The following PCDH15 variants were observed in gnomAD, a reference collection of about 807,000 sequenced individuals.
PCDH15 encodes protocadherin-15.
In PCDH15, 129 loss-of-function variants were observed where a neutral mutation model predicts 178.5. The ratio of observed to expected loss-of-function variants is 0.72; its 90% CI spans 0.63 to 0.84. The LOEUF is 0.84. PCDH15 is among the 40% of genes least tolerant of loss of function. The pLI is 0.00. For synonymous variants in PCDH15, 800 were observed against 732.0 expected, an observed-to-expected ratio of 1.09 and a Z score of -1.50; for missense variants, 2,230 against 2,099.9, an observed-to-expected ratio of 1.06 and a Z score of -1.21.
chr10:54,009,435 C>T (rs1254681682), intron 20 of PCDH15, among the ~76,000 whole-genome samples: 1 of 151,950 alleles, frequency 6.6e-6, no homozygotes, highest in East Asian at 1.9e-4. Context: ...AAACAGTATC[C>T]ATAGAAGAAA....
chr10:54,916,128 T>G (rs967148926), intron 2 of PCDH15, among the ~76,000 whole-genome samples: 2 of 150,834 alleles, frequency 1.3e-5, no homozygotes, highest in African/African-American at 2.4e-5. Context: ...CCTGCAACCA[T>G]GCCTGGCTAA....
chr10:55,044,020 G>T (rs1409355489), intron 2 of PCDH15, among the ~76,000 whole-genome samples: 1 of 152,230 alleles, frequency 6.6e-6, no homozygotes, highest in East Asian at 1.9e-4. Context: ...CAAATTGCTT[G>T]TGGACAGCCA....
Position 53,876,647 on chromosome 10 carries a change from G to C in PCDH15, c.3502-9790C>G, listed in dbSNP as rs545809760. On this transcript the variant is annotated intron_variant, in intron 26 of 37. Coordinates refer to ENST00000644397, the MANE Select transcript of PCDH15 (RefSeq NM_001384140.1). ...TGCAAAAAAAAAAAAGAAGAAACAA[G>C]GAGAGAAAGAGAAAAGAAACATTTT... Among the ~76,000 whole-genome samples the C allele has an allele frequency of 2.1e-4, 32 of 150,902 alleles. No homozygotes were observed. In the South Asian group the frequency reaches 6.3e-3, roughly 29 times the overall value.
At chr10:54,435,926 T>C (rs1195983602) in intron 3 of PCDH15, among the ~76,000 whole-genome samples, 6 of 150,706 alleles carry the variant, frequency 4.0e-5, no homozygotes, top group Non-Finnish European at 8.9e-5. Flanking sequence ...GCCGAGATCG[T>C]GCCACTGCAC....
intron 1 of PCDH15, among the ~76,000 whole-genome samples, chr10:55,281,734 G>A (rs1842739330): frequency 6.6e-6 from 1 of 152,102 alleles, no homozygotes; most frequent in African/African-American, 2.4e-5. Flanking sequence ...TTCAAAGACA[G>A]TGAAAACATA....
At chr10:54,507,389 A>C (rs2081261340) in intron 3 of PCDH15, among the ~76,000 whole-genome samples, 1 of 151,676 alleles carries the variant, frequency 6.6e-6, no homozygotes, top group Non-Finnish European at 1.5e-5. Context: ...CATGCTTTTT[A>C]ATGCCTTTAC....
At chr10:55,396,900 G>A (rs145613576) in intron 2 of PCDH15, among the ~76,000 whole-genome samples, 1 of 152,204 alleles carries the variant, frequency 6.6e-6, no homozygotes, top group African/African-American at 2.4e-5. Context: ...CCTCCTAAAG[G>A]GGAAAAAAGC....
intron 1 of PCDH15, among the ~76,000 whole-genome samples, chr10:55,310,399 A>G (rs1843555667): frequency 6.6e-6 from 1 of 152,206 alleles, no homozygotes; most frequent in South Asian, 2.1e-4. Flanking sequence ...TCACTTTGAG[A>G]AAATAAAACT....
chr10:55,077,341 T>C (rs937844125), intron 2 of PCDH15, among the ~76,000 whole-genome samples: 1 of 152,108 alleles, frequency 6.6e-6, no homozygotes, highest in African/African-American at 2.4e-5. Context: ...GCATGTGTAT[T>C]CAATGTTCTT....
At chr10:55,364,260 T>G (rs1309188329) in intron 2 of PCDH15, among the ~76,000 whole-genome samples, 2 of 152,244 alleles carry the variant, frequency 1.3e-5, no homozygotes, top group East Asian at 3.9e-4. Flanking sequence ...CCTTTATAAA[T>G]TACCCAGTCT....
At chr10:54,429,843 T>C (rs1376044394) in intron 3 of PCDH15, among the ~76,000 whole-genome samples, 2 of 152,016 alleles carry the variant, frequency 1.3e-5, no homozygotes, top group East Asian at 3.9e-4. Context: ...ACCAAGCAAA[T>C]ATTATTAGCG....
intron 23 of PCDH15, among the ~76,000 whole-genome samples, chr10:53,958,113 A>G (rs1462230050): frequency 2.0e-5 from 3 of 152,178 alleles, no homozygotes; most frequent in East Asian, 1.9e-4. Context: ...CTGCTGTTCT[A>G]GCTTAAAATT....
intron 2 of PCDH15, among the ~76,000 whole-genome samples, chr10:55,114,391 A>G (rs1021944664): frequency 6.6e-6 from 1 of 152,220 alleles, no homozygotes; most frequent in Non-Finnish European, 1.5e-5. Flanking sequence ...TTCGGTTACA[A>G]TATACCTATA....
At chr10:53,866,164 T>C (rs1272789731) in intron 27 of PCDH15, among the ~76,000 whole-genome samples, 1 of 152,150 alleles carries the variant, frequency 6.6e-6, no homozygotes, top group African/African-American at 2.4e-5. Flanking sequence ...AAATAAATAC[T>C]ATTGGAACAA....
chr10:53,938,603 G>A (rs561562931), intron 25 of PCDH15, among the ~76,000 whole-genome samples: 8 of 152,094 alleles, frequency 5.3e-5, no homozygotes, highest in Middle Eastern at 6.8e-3. Flanking sequence ...ATTTGAAAAC[G>A]GTGTTTTATT....
chr10:54,160,386 G>A (rs4348806), intron 13 of PCDH15, among the ~76,000 whole-genome samples: 92,553 of 152,022 alleles, frequency 0.61, 29,591 homozygotes, highest in East Asian at 0.89. Flanking sequence ...AACATGAACT[G>A]AGAGATTTAC....
intron 3 of PCDH15, among the ~76,000 whole-genome samples, chr10:54,418,619 C>T (rs1295984673): frequency 1.3e-5 from 2 of 151,716 alleles, no homozygotes; most frequent in Non-Finnish European, 2.9e-5. Context: ...TATTATTTAT[C>T]ATTTTGTAAC....
rs770832663 is a variant in PCDH15 at position 53,903,302 on chromosome 10, A to AT, written c.3441dup (p.Phe1148IlefsTer8). ...TCTTCAGATACACCTCCGATGTAGAATTTTTTCTGAAACACTGGGGGATGA... is the reference window on the plus strand; with the variant it reads ...TCTTCAGATACACCTCCGATGTAGAATTTTTTTCTGAAACACTGGGGGATGA... On this transcript the variant is annotated frameshift_variant, in exon 26 of 38. Transcript: ENST00000644397. LOFTEE classifies it high-confidence loss of function. The AT allele has an allele frequency of 1.9e-6, 3 of 1,613,214 alleles. No individual in the cohort carries two copies. The highest frequency in any genetic ancestry group is 1.7e-6 in the Non-Finnish European group (2 of 1,179,512).
At chr10:55,513,639 A>G (rs1348435769) in intron 2 of PCDH15, among the ~76,000 whole-genome samples, 1 of 152,054 alleles carries the variant, frequency 6.6e-6, no homozygotes, top group African/African-American at 2.4e-5. Context: ...ATAATAACCT[A>G]TATACTTTTT....
Sources: gnomAD v4.1 joint callset for allele counts (sites outside exome capture counted in the v4.1 genomes callset) on GRCh38, gnomAD v4.1.1 for gene constraint, MANE v1.5 for transcripts, NCBI Gene and HGNC (gene_info 2026-07-23, HGNC 2026-07-21) for gene names.